The following BPTF variants were observed in gnomAD, a reference collection of about 807,000 sequenced individuals.
BPTF encodes nucleosome-remodeling factor subunit BPTF.
In BPTF, 18 loss-of-function variants were observed where a neutral mutation model predicts 292.5. That is an observed-to-expected ratio of 0.06 (90% CI 0.04 to 0.09). BPTF has a LOEUF of 0.09. BPTF is among the 10% of genes least tolerant of loss of function. The pLI is 1.00. For missense variants in BPTF, 2,726 were observed against 3,498.7 expected (o/e 0.78, Z 5.57); for synonymous variants, 1,225 against 1,251.9 (o/e 0.98, Z 0.45).
chr17:67,890,088 T>A (rs2061012220), intron 4 of BPTF, among the ~76,000 whole-genome samples: 1 of 152,242 alleles, frequency 6.6e-6, no homozygotes, highest in South Asian at 2.1e-4. Flanking sequence ...TACTTTTGAA[T>A]TGTATTTTCT....
At chr17:67,926,474 G>A (rs538792923) in intron 15 of BPTF, among the ~76,000 whole-genome samples, 4 of 151,050 alleles carry the variant, frequency 2.6e-5, no homozygotes, top group African/African-American at 9.7e-5. Flanking sequence ...ATAGGCGCCC[G>A]CCACCACGCC....
chr17:67,922,761 T>C (rs191140811), intron 13 of BPTF, 79 bp from the exon 14 acceptor site: 70 of 1,481,448 alleles, frequency 4.7e-5, no homozygotes, highest in Non-Finnish European at 3.8e-5. Context: ...GCCAACCACT[T>C]TTTCATGATA....
In BPTF at chr17:67,964,269, C is replaced by G. The variant is rs782068783; in HGVS notation, c.8319C>G (p.Ile2773Met). 1 of 1,613,998 alleles carries G rather than the reference C, an allele frequency of 6.2e-7. No homozygotes were observed. The highest frequency in any genetic ancestry group is 1.3e-5 in the African/African-American group (1 of 74,906). ...GGTACCATGGGCGCTGCGTTGGCAT[C>G]TTGCAAAGTGAGGCAGAGCTCATTG... ...QNWYHGRCVG[I>M]LQSEAELIDE... The change falls in exon 25 of 28, where the codon ATC becomes ATG. Residue 2773 changes from isoleucine to methionine, a missense_variant. By Grantham distance (10) the Ile-to-Met change is conservative (BLOSUM62 1). Coordinates refer to ENST00000306378, the MANE Select transcript of BPTF (RefSeq NM_182641.4).
intron 2 of BPTF, among the ~76,000 whole-genome samples, chr17:67,865,818 G>C (rs1018461146): frequency 2.6e-5 from 4 of 152,216 alleles, no homozygotes; most frequent in African/African-American, 9.7e-5. Flanking sequence ...TTAGGCAGGA[G>C]AGGAAGCTCC....
At chr17:67,888,850 G>C (rs756391006) in intron 4 of BPTF, among the ~76,000 whole-genome samples, 2 of 152,080 alleles carry the variant, frequency 1.3e-5, no homozygotes, top group Non-Finnish European at 2.9e-5. Context: ...CTGTTACTGG[G>C]GTTGGGTTGC....
At chr17:67,904,617 G>C (rs1221299651) in intron 8 of BPTF, 85 bp from the exon 9 acceptor site, 12 of 1,075,044 alleles carry the variant, frequency 1.1e-5, no homozygotes, top group Middle Eastern at 4.7e-4. Context: ...TTTGAAACTT[G>C]TTTGGTAAAA....
intron 1 of BPTF, among the ~76,000 whole-genome samples, chr17:67,827,615 G>C (rs2056211178): frequency 6.6e-6 from 1 of 151,534 alleles, no homozygotes; most frequent in African/African-American, 2.4e-5. Flanking sequence ...CTTTTTTTTC[G>C]TTGAAGTAAG....
chr17:67,825,559 G>A lies in BPTF; in HGVS notation c.-166G>A, dbSNP rs2055905992. 1 of 430,032 alleles carries A rather than the reference G, an allele frequency of 2.3e-6. No homozygotes were observed. Among genetic ancestry groups the A allele is most frequent in the Non-Finnish European group, 4.5e-6 (1 of 223,270 alleles). The allele number at this position is 430,032 out of a possible 1,614,324, so 26.6% of individuals were successfully genotyped here. On this transcript the variant is annotated 5_prime_UTR_variant, in exon 1 of 28. Transcript: ENST00000306378. The stretch of plus-strand genomic sequence containing the variant: ...GCGGCTGAAGGCGATCCGGAGTGGG[G>A]CCCCAGCAATTCGGATTGAGCCTTC...
rs771831392 is a variant in BPTF at position 67,912,808 on chromosome 17, G to A, written c.4924G>A (p.Gly1642Ser). 1.4e-5 allele frequency: 23 copies of A among 1,613,992 alleles called. No homozygotes were observed. The highest frequency in any genetic ancestry group is 7.7e-5 in the South Asian group (7 of 91,074). ...VTKLSTPSTG[G>S]SVDIISVKEQ... is the part of the protein sequence containing the mutation. ...CAAGCTTTCCACACCCTCCACAGGC[G>A]GCAGTGTGGACATCATCTCTGTAAA... Residue 1642 changes from glycine to serine, a missense_variant, in exon 11 of 28, where the codon GGC (glycine) becomes AGC (serine). By Grantham distance (56) the Gly-to-Ser change is moderately conservative (BLOSUM62 0). Coordinates refer to ENST00000306378, the MANE Select transcript of BPTF (RefSeq NM_182641.4).
At chr17:67,972,593 T>G (rs1474644723) in intron 26 of BPTF, among the ~76,000 whole-genome samples, 1 of 152,128 alleles carries the variant, frequency 6.6e-6, no homozygotes, top group African/African-American at 2.4e-5. Flanking sequence ...TCATAGATTT[T>G]TTGGCATATG....
intron 2 of BPTF, among the ~76,000 whole-genome samples, chr17:67,863,781 C>G (rs1167789480): frequency 1.3e-5 from 2 of 152,220 alleles, no homozygotes; most frequent in Non-Finnish European, 2.9e-5. Flanking sequence ...CATTATTCAA[C>G]TCATTTCACT....
intron 26 of BPTF, among the ~76,000 whole-genome samples, chr17:67,967,645 A>C (rs1555688262): frequency 6.6e-6 from 1 of 151,910 alleles, no homozygotes; most frequent in Admixed American, 6.6e-5. Flanking sequence ...ACATGGCGAA[A>C]TACGTCTCTA....
intron 1 of BPTF, among the ~76,000 whole-genome samples, chr17:67,843,754 CTTTT>C (rs56335701): frequency 7.4e-4 from 46 of 62,218 alleles, no homozygotes; most frequent in African/African-American, 3.7e-3. Context: ...GAGCAGTTGT[CTTTT>C]TTTTTTTTTT....
chr17:67,922,511 T>TA (rs1381857568), intron 13 of BPTF, among the ~76,000 whole-genome samples: 1 of 152,140 alleles, frequency 6.6e-6, no homozygotes, highest in African/African-American at 2.4e-5. Context: ...AGATGAGCGG[T>TA]GGAGGCTTGG....
In BPTF at chr17:67,918,599, G is replaced by A. The variant is rs1323241801; in HGVS notation, c.5304-115G>A. On this transcript the variant is annotated intron_variant, in intron 11 of 27. Coordinates refer to ENST00000306378, the MANE Select transcript of BPTF (RefSeq NM_182641.4). ...CTTACAAAACCATATTATAAATACT[G>A]GAGTCCTAATGAGGACAAGAAACAC... The A allele has an allele frequency of 7.9e-6, 7 of 886,322 alleles. No homozygotes were observed. The East Asian group carries it at 2.0e-4, about 25-fold the overall frequency. 54.9% of individuals were successfully genotyped at this position (886,322 alleles called of 1,614,324 possible).
intron 3 of BPTF, among the ~76,000 whole-genome samples, chr17:67,872,812 A>G (rs574947794): frequency 3.3e-5 from 5 of 152,354 alleles, no homozygotes; most frequent in African/African-American, 1.2e-4. Context: ...AAATATAGGA[A>G]TTAAGGGCTG....
intron 1 of BPTF, among the ~76,000 whole-genome samples, chr17:67,835,630 C>T (rs1464699575): frequency 6.6e-6 from 1 of 151,020 alleles, no homozygotes; most frequent in African/African-American, 2.4e-5. Flanking sequence ...AGGAAGTTAA[C>T]ATGTGATTAG....
intron 4 of BPTF, chr17:67,886,155 G>A (rs781630841): frequency 6.2e-7 from 1 of 1,606,044 alleles, no homozygotes; most frequent in Non-Finnish European, 8.5e-7. Flanking sequence ...TGTGAGAGCA[G>A]TAACACTAGT....
intron 4 of BPTF, among the ~76,000 whole-genome samples, chr17:67,888,450 C>A (rs1304490658): frequency 1.3e-5 from 2 of 151,896 alleles, no homozygotes; most frequent in African/African-American, 4.8e-5. Context: ...ACTAGCCGGG[C>A]ATGGTGGTGT....
Sources: gnomAD v4.1 joint callset for allele counts (sites outside exome capture counted in the v4.1 genomes callset) on GRCh38, gnomAD v4.1.1 for gene constraint, MANE v1.5 for transcripts, NCBI Gene and HGNC (gene_info 2026-07-23, HGNC 2026-07-21) for gene names.